C12orf42: variants seen among roughly 807,000 people sequenced by gnomAD.
C12orf42 encodes the protein uncharacterized protein C12orf42.
In C12orf42, 25 loss-of-function variants were observed where a neutral mutation model predicts 21.6. The ratio of observed to expected loss-of-function variants is 1.16; its 90% confidence interval spans 0.84 to 1.62. C12orf42 has a LOEUF of 1.62. C12orf42 is among the 40% of genes most tolerant of loss of function. The pLI is 0.00. For missense variants in C12orf42, 483 were observed against 459.3 expected, an observed-to-expected ratio of 1.05 and a Z score of -0.47; for synonymous variants, 174 against 175.0, an observed-to-expected ratio of 0.99 and a Z score of 0.05.
At chr12:103,125,604 A>G in the C12orf42 span, among the ~76,000 whole-genome samples, 2 of 152,218 alleles carry the variant, frequency 1.3e-5, no homozygotes, top group African/African-American at 2.4e-5. Flanking sequence ...AGAAAGCTGA[A>G]TTCTTCTTTT....
At chr12:103,227,222 T>G in the C12orf42 span, among the ~76,000 whole-genome samples, 3 of 151,972 alleles carry the variant, frequency 2.0e-5, no homozygotes, top group African/African-American at 7.2e-5. Context: ...TCAGGGGTTC[T>G]TACCTTCCAG....
In C12orf42 at chr12:103,306,095, CA is replaced by C; in HGVS notation, c.509del (p.Leu170ArgfsTer11). Reference sequence around the variant, plus strand: ...AGTGTGCCCAGTTAGGCTTTTTAACCAGTTGTTCCAAAAATGAACTGTTCCA... The same window carrying C: ...AGTGTGCCCAGTTAGGCTTTTTAACCGTTGTTCCAAAAATGAACTGTTCCA... ...QAWNSSFLEQ[L>X]VKKPNWAHSV... On this transcript the variant is annotated frameshift_variant, in exon 5 of 6. Coordinates refer to ENST00000548883, the MANE Select transcript of C12orf42 (RefSeq NM_198521.5). LOFTEE classifies it high-confidence loss of function. 2 of 1,613,958 alleles carry C rather than the reference CA, an allele frequency of 1.2e-6. No individual in the cohort carries two copies.
the C12orf42 span, among the ~76,000 whole-genome samples, chr12:103,501,873 AT>A: frequency 8.9e-3 from 1,361 of 152,258 alleles, 18 homozygotes; most frequent in African/African-American, 0.031. Flanking sequence ...TAAAAAAGAC[AT>A]TTTTTTAACT....
intron 2 of C12orf42, among the ~76,000 whole-genome samples, chr12:103,443,383 A>G (rs1420621159): frequency 6.6e-6 from 1 of 151,996 alleles, no homozygotes. Flanking sequence ...CCATGTTGCA[A>G]ATAAGGAAAA....
the C12orf42 span, among the ~76,000 whole-genome samples, chr12:103,523,646 A>G: frequency 1.3e-5 from 2 of 151,162 alleles, no homozygotes; most frequent in East Asian, 1.9e-4. Context: ...TGTAGTGTCT[A>G]TATATAGACA....
At chr12:103,173,806 A>T in the C12orf42 span, among the ~76,000 whole-genome samples, 1 of 151,970 alleles carries the variant, frequency 6.6e-6, no homozygotes, top group Admixed American at 6.6e-5. Context: ...CTTCTCTCTC[A>T]TCTTGTTCTA....
chr12:103,354,487 G>A (rs981948577), intron 4 of C12orf42, among the ~76,000 whole-genome samples: 21 of 152,152 alleles, frequency 1.4e-4, no homozygotes, highest in Middle Eastern at 3.4e-3. Context: ...CAATCAATGC[G>A]GTTCATCAGA....
At chr12:103,202,289 TA>T in the C12orf42 span, among the ~76,000 whole-genome samples, 5 of 152,184 alleles carry the variant, frequency 3.3e-5, no homozygotes, top group African/African-American at 1.2e-4. Flanking sequence ...TCACTTGAAA[TA>T]AAGTATTTTG....
At chr12:103,482,357 A>T (rs919243727) in intron 1 of C12orf42, among the ~76,000 whole-genome samples, 2 of 152,012 alleles carry the variant, frequency 1.3e-5, no homozygotes, top group African/African-American at 4.8e-5. Flanking sequence ...CTCTCAGTCC[A>T]CTTAAGGTAT....
intron 1 of C12orf42, among the ~76,000 whole-genome samples, chr12:103,486,215 C>T (rs1436121375): frequency 2.6e-5 from 4 of 152,210 alleles, no homozygotes; most frequent in Admixed American, 6.5e-5. Context: ...GCCTTTTCTA[C>T]ATCTATTGAG....
At chr12:103,354,672 A>G (rs1251572441) in intron 4 of C12orf42, among the ~76,000 whole-genome samples, 2 of 152,280 alleles carry the variant, frequency 1.3e-5, no homozygotes, top group Middle Eastern at 3.4e-3. Flanking sequence ...AAATAGGAAG[A>G]ATAAGTTGGG....
the C12orf42 span, among the ~76,000 whole-genome samples, chr12:103,151,427 C>A: frequency 6.6e-6 from 1 of 152,056 alleles, no homozygotes; most frequent in African/African-American, 2.4e-5. Flanking sequence ...AAGAACATTT[C>A]AAGAAAGAAA....
chr12:103,094,575 G>T, the C12orf42 span, among the ~76,000 whole-genome samples: 7 of 152,086 alleles, frequency 4.6e-5, no homozygotes, highest in African/African-American at 1.7e-4. Flanking sequence ...ACTTTCCACA[G>T]CTCTTCATCA....
At chr12:103,078,249 C>T in the C12orf42 span, among the ~76,000 whole-genome samples, 1 of 152,094 alleles carries the variant, frequency 6.6e-6, no homozygotes, top group Non-Finnish European at 1.5e-5. Context: ...AGGTTACTGC[C>T]CATTTTCAAG....
At chr12:103,075,899 CT>C in the C12orf42 span, among the ~76,000 whole-genome samples, 5 of 152,040 alleles carry the variant, frequency 3.3e-5, no homozygotes, top group South Asian at 2.1e-4. Context: ...GACTGGGACA[CT>C]TTTTTTAGGT....
At chr12:103,267,073 C>T (rs137866877), downstream of C12orf42, among the ~76,000 whole-genome samples, 86 of 152,272 alleles carry the variant, frequency 5.6e-4, no homozygotes, top group African/African-American at 2.0e-3. Flanking sequence ...CCGTCTCTTG[C>T]TTTGGCTCAC....
the C12orf42 span, among the ~76,000 whole-genome samples, chr12:103,088,739 G>T: frequency 6.6e-6 from 1 of 152,180 alleles, no homozygotes; most frequent in Non-Finnish European, 1.5e-5. Context: ...CACTTGCTCT[G>T]GGGGAAGCAG....
chr12:103,192,234 A>C, the C12orf42 span, among the ~76,000 whole-genome samples: 3 of 152,104 alleles, frequency 2.0e-5, no homozygotes, highest in Non-Finnish European at 4.4e-5. Context: ...GAATACACAT[A>C]GGGCTCATGT....
At chr12:103,318,041 T>G (rs2136785430) in intron 4 of C12orf42, among the ~76,000 whole-genome samples, 1 of 152,224 alleles carries the variant, frequency 6.6e-6, no homozygotes, top group East Asian at 1.9e-4. Context: ...GTGGCTCACG[T>G]CTGTAATCTC....
Sources: allele counts gnomAD v4.1 joint callset (sites outside exome capture counted in the v4.1 genomes callset), GRCh38; gene constraint gnomAD v4.1.1; transcripts MANE v1.5; gene names NCBI Gene and HGNC (gene_info 2026-07-23, HGNC 2026-07-21).